Variants in RYR3 observed in about 807,000 individuals in gnomAD.
The protein encoded by RYR3 is ryanodine receptor 3.
RYR3 carries 207 observed loss-of-function variants against 584.3 expected under a neutral mutation model. That is an observed-to-expected ratio of 0.35 (90% CI 0.32 to 0.40). RYR3 has a LOEUF of 0.40. RYR3 is among the 10% of genes least tolerant of loss of function. The pLI is 1.00. For synonymous variants in RYR3, 2,416 were observed against 2,248.5 expected, an observed-to-expected ratio of 1.07 and a Z score of -2.11; for missense variants, 5,616 against 6,089.2, an observed-to-expected ratio of 0.92 and a Z score of 2.59.
chr15:33,818,087 A>T (rs1255026898), intron 75 of RYR3, among the ~76,000 whole-genome samples: 3 of 152,204 alleles, frequency 2.0e-5, no homozygotes, highest in African/African-American at 7.2e-5. Flanking sequence ...TGCTGGGTTG[A>T]ATCTAGAATA....
At chr15:33,374,807 T>A (rs1038029828) in intron 1 of RYR3, among the ~76,000 whole-genome samples, 12 of 152,190 alleles carry the variant, frequency 7.9e-5, no homozygotes, top group African/African-American at 2.9e-4. Flanking sequence ...TCTGGAGCCC[T>A]CCAGGACACT....
intron 16 of RYR3, among the ~76,000 whole-genome samples, chr15:33,595,354 C>T (rs892754230): frequency 9.2e-5 from 14 of 152,126 alleles, no homozygotes; most frequent in African/African-American, 3.4e-4. Flanking sequence ...TAAAATATAA[C>T]TTCCGTAAGC....
rs1307962205 is a variant in RYR3 at position 33,854,794 on chromosome 15, C to A, written c.13889C>A (p.Thr4630Asn). The change falls in exon 98 of 104, where the codon ACC becomes AAC. Residue 4630 changes from threonine (T) to asparagine (N), a missense_variant. Coordinates refer to ENST00000634891, the MANE Select transcript of RYR3 (RefSeq NM_001036.6). ...NSFLYLAWYT[T>N]MSVLGHYNNF... ...TTTCTCTACCTTGCCTGGTATACAACCATGTCAGTCCTGGGCCACTACAAT... is the reference window on the plus strand; with the variant it reads ...TTTCTCTACCTTGCCTGGTATACAAACATGTCAGTCCTGGGCCACTACAAT... 1.2e-6 allele frequency: 2 copies of A among 1,612,728 alleles called. No homozygotes were observed. The highest frequency in any genetic ancestry group is 1.7e-6 in the Non-Finnish European group (2 of 1,179,512).
intron 60 of RYR3, among the ~76,000 whole-genome samples, chr15:33,768,373 C>G (rs2073280516): frequency 6.6e-6 from 1 of 152,234 alleles, no homozygotes; most frequent in Non-Finnish European, 1.5e-5. Flanking sequence ...GCAAAGTATA[C>G]TTTGCACTGG....
intron 51 of RYR3, among the ~76,000 whole-genome samples, chr15:33,740,830 C>A (rs56003089): frequency 0.2 from 30,106 of 152,200 alleles, 3,132 homozygotes; most frequent in African/African-American, 0.27. Context: ...CTGCTTTGAT[C>A]ATGTGTAACA....
intron 19 of RYR3, among the ~76,000 whole-genome samples, chr15:33,623,535 A>G (rs1472042372): frequency 6.6e-6 from 1 of 152,222 alleles, no homozygotes; most frequent in Non-Finnish European, 1.5e-5. Flanking sequence ...GAGTACAGAT[A>G]AACTTGGTTC....
chr15:33,689,319 A>G (rs192528375), intron 38 of RYR3, among the ~76,000 whole-genome samples: 8 of 152,146 alleles, frequency 5.3e-5, no homozygotes, highest in African/African-American at 1.9e-4. Flanking sequence ...ATGTATACCT[A>G]TGTATCAAAC....
chr15:33,315,233 C>T (rs548122152), intron 1 of RYR3, among the ~76,000 whole-genome samples: 2 of 152,270 alleles, frequency 1.3e-5, no homozygotes, highest in Non-Finnish European at 2.9e-5. Context: ...CCCCAGAGCG[C>T]GCTGTCTTGT....
intron 27 of RYR3, among the ~76,000 whole-genome samples, chr15:33,637,095 A>G (rs1299059307): frequency 6.6e-6 from 1 of 152,220 alleles, no homozygotes; most frequent in Admixed American, 6.5e-5. Context: ...TTTAATGTCC[A>G]TGAATAGACC....
chr15:33,328,737 C>T (rs1970037015), intron 1 of RYR3, among the ~76,000 whole-genome samples: 1 of 152,116 alleles, frequency 6.6e-6, no homozygotes, highest in Admixed American at 6.5e-5. Context: ...ATTTTGTAAC[C>T]TTTTAATAAG....
At chr15:33,686,155 G>A (rs1024049360) in intron 38 of RYR3, among the ~76,000 whole-genome samples, 1 of 152,090 alleles carries the variant, frequency 6.6e-6, no homozygotes, top group Non-Finnish European at 1.5e-5. Context: ...TCCAGGAGCT[G>A]GTTTTTTGAA....
intron 55 of RYR3, 109 bp downstream of exon 55, chr15:33,748,639 A>G (rs2070983359): frequency 1.1e-6 from 1 of 937,622 alleles, no homozygotes; most frequent in East Asian, 2.6e-5. Flanking sequence ...TATCACCACT[A>G]AAATTCAAAA....
chr15:33,468,891 C>G (rs1567305905), intron 1 of RYR3, among the ~76,000 whole-genome samples: 1 of 152,124 alleles, frequency 6.6e-6, no homozygotes, highest in Non-Finnish European at 1.5e-5. Context: ...AGGCTCTGCC[C>G]CCTGCCACCA....
intron 2 of RYR3, among the ~76,000 whole-genome samples, chr15:33,478,671 CACTT>C (rs1299386854): frequency 6.6e-6 from 1 of 152,160 alleles, no homozygotes; most frequent in Non-Finnish European, 1.5e-5. Flanking sequence ...AAAGTCATAA[CACTT>C]ACCCCACAGT....
chr15:33,556,421 G>A (rs1001588495), intron 10 of RYR3, among the ~76,000 whole-genome samples: 26 of 152,182 alleles, frequency 1.7e-4, no homozygotes, highest in African/African-American at 6.0e-4. Flanking sequence ...TTCCCAAGAG[G>A]CATTCCAAAC....
At chr15:33,516,476 T>C (rs1222602050) in intron 3 of RYR3, among the ~76,000 whole-genome samples, 2 of 151,990 alleles carry the variant, frequency 1.3e-5, no homozygotes, top group Non-Finnish European at 2.9e-5. Context: ...CCCGAGTAGC[T>C]GGGATTACAG....
chr15:33,830,943 C>A lies in RYR3; in HGVS notation c.11335-20C>A. 1 of 1,610,840 alleles carries A rather than the reference C, an allele frequency of 6.2e-7. No individual in the cohort carries two copies. Among genetic ancestry groups the A allele is most frequent in the African/African-American group, 1.3e-5 (1 of 74,954 alleles). ...TGACTGAAGTCTGAGAAATACTAAG[C>A]TCTACTCATTTGTTTTTAGGAATCA... On this transcript the variant is annotated intron_variant, in intron 85 of 103. Transcript: ENST00000634891.
intron 89 of RYR3, chr15:33,840,620 T>G: frequency 3.3e-6 from 2 of 598,868 alleles, no homozygotes; most frequent in Non-Finnish European, 5.9e-6. Flanking sequence ...AGGTTGAGTT[T>G]TCAAGTTTCA....
chr15:33,474,480 TC>T (rs1450955759), intron 2 of RYR3, among the ~76,000 whole-genome samples: 1 of 152,150 alleles, frequency 6.6e-6, no homozygotes, highest in Non-Finnish European at 1.5e-5. Context: ...CTGAAGGCCT[TC>T]ATCTGATCGG....
Sources: allele counts gnomAD v4.1 joint callset (sites outside exome capture counted in the v4.1 genomes callset), GRCh38; gene constraint gnomAD v4.1.1; transcripts MANE v1.5; gene names NCBI Gene and HGNC (gene_info 2026-07-23, HGNC 2026-07-21).